Variants in PLXND1 observed in about 807,000 individuals in gnomAD.
PLXND1 encodes the protein plexin-D1.
Under a neutral mutation model 197.7 loss-of-function variants are expected in PLXND1, and 54 were observed. That is an observed-to-expected ratio of 0.27 (90% CI 0.22 to 0.34). The LOEUF is 0.34. Among genes scored for constraint, PLXND1 ranks in the 10% least tolerant of loss-of-function variants. The probability of loss-of-function intolerance (pLI) is 1.00; values close to 1 mark genes in which losing one functional copy is unlikely to be tolerated. For synonymous variants in PLXND1, 1,180 were observed against 1,161.2 expected (o/e 1.02, Z -0.33); for missense variants, 2,127 against 2,699.2 (o/e 0.79, Z 4.70).
At chr3:129,590,600 C>T (rs1441103403) in intron 1 of PLXND1, among the ~76,000 whole-genome samples, 1 of 152,188 alleles carries the variant, frequency 6.6e-6, no homozygotes, top group African/African-American at 2.4e-5. Context: ...AGAAAAGTCA[C>T]AGGATGTCAT....
rs141228263 is a variant in PLXND1, at chr3:129,582,608, C to T, written c.2241+959G>A. On this transcript the variant is annotated intron_variant, in intron 8 of 35. Transcript: ENST00000324093. Reference sequence around the variant, plus strand: ...CATCCCACCTGGCTAGGCCTTATCACCCCAGCCAAGGTCCCAGGCATCCCA... The same window carrying T: ...CATCCCACCTGGCTAGGCCTTATCATCCCAGCCAAGGTCCCAGGCATCCCA... Among the ~76,000 whole-genome samples, 669 of 152,326 alleles carry T rather than the reference C, an allele frequency of 4.4e-3. 4 individuals are homozygous for T. The highest frequency in any genetic ancestry group is 4.4e-3 in the Non-Finnish European group (298 of 68,024).
At chr3:129,570,642 G>C in intron 19 of PLXND1, 144 bp downstream of exon 19, 1 of 781,996 alleles carries the variant, frequency 1.3e-6, no homozygotes, top group Non-Finnish European at 2.1e-6. Flanking sequence ...TGTCAAGTGG[G>C]GATGTAAAGC....
At chr3:129,589,057 C>T (rs1405161115) in intron 2 of PLXND1, among the ~76,000 whole-genome samples, 1 of 152,200 alleles carries the variant, frequency 6.6e-6, no homozygotes. Context: ...AGAGCCCAGA[C>T]ATTTGAACTC....
chr3:129,572,673 C>T lies in PLXND1; in HGVS notation c.3013G>A (p.Asp1005Asn). ...GGTRITIHGN[D>N]LHVGSELQVL... Reference sequence around the variant, plus strand: ...TGGAGCTCGGAGCCTACATGGAGGTCATTCCCATGGATGGTGATCCTGGTG... The same window carrying T: ...TGGAGCTCGGAGCCTACATGGAGGTTATTCCCATGGATGGTGATCCTGGTG... The change falls in exon 15 of 36, where the codon GAC (aspartate) becomes AAC (asparagine). Residue 1005 changes from aspartate (D) to asparagine (N), a missense_variant. Asp to Asn is a conservative substitution (Grantham distance 23, BLOSUM62 1). Transcript: ENST00000324093. 6.2e-7 allele frequency: 1 copy of T among 1,606,454 alleles called. No homozygotes were observed. The highest frequency in any genetic ancestry group is 8.5e-7 in the Non-Finnish European group (1 of 1,175,914).
At chr3:129,578,486 C>G (rs1227588040) in intron 8 of PLXND1, 53 bp from the exon 9 acceptor site, 5 of 1,123,724 alleles carry the variant, frequency 4.4e-6, no homozygotes, top group Non-Finnish European at 6.5e-6. Context: ...AGAGAAGAGG[C>G]AGGAGGACTC....
At chr3:129,591,917 C>T (rs151121718) in intron 1 of PLXND1, among the ~76,000 whole-genome samples, 2 of 152,176 alleles carry the variant, frequency 1.3e-5, no homozygotes, top group Non-Finnish European at 2.9e-5. Flanking sequence ...CCAGGACACT[C>T]AGAATAAATC....
Position 129,565,402 on chromosome 3 carries a change from C to T in PLXND1, c.4459G>A (p.Glu1487Lys). 1 of 1,614,160 alleles carries T rather than the reference C, an allele frequency of 6.2e-7. No homozygotes were observed. Among genetic ancestry groups the T allele is most frequent in the Non-Finnish European group, 8.5e-7 (1 of 1,180,042 alleles). The stretch of plus-strand genomic sequence containing the variant: ...GTGAGCATCTTCTCCACCACAGACT[C>T]TGTGCGCCGCAGCATGAGCTTGGGG... ...KNPKLMLRRT[E>K]SVVEKMLTNW... Residue 1487 changes from glutamate (E) to lysine (K), a missense_variant, in exon 25 of 36, where the codon GAG (glutamate) becomes AAG (lysine). Physicochemically the swap from Glu to Lys is moderately conservative, Grantham distance 56. Coordinates refer to ENST00000324093, the MANE Select transcript of PLXND1 (RefSeq NM_015103.3).
Position 129,590,735 on chromosome 3 carries a change from C to A in PLXND1, c.1312-1208G>T, listed in dbSNP as rs372777460. ...AGTGCACTGACTCCCAGAATCCTGG[C>A]AGCCCTAGGGGTCCTATCTCACAGA... On this transcript the variant is annotated intron_variant, in intron 1 of 35. Transcript: ENST00000324093. 1.3e-3 allele frequency among the ~76,000 whole-genome samples: 195 copies of A among 152,364 alleles called. 2 individuals are homozygous for A. The highest frequency in any genetic ancestry group is 4.4e-3 in the African/African-American group (182 of 41,590).
At chr3:129,590,694 G>T (rs139290168) in intron 1 of PLXND1, among the ~76,000 whole-genome samples, 3 of 152,362 alleles carry the variant, frequency 2.0e-5, no homozygotes, top group Admixed American at 2.0e-4. Context: ...ACTGGGAACT[G>T]ACACTGTACC....
intron 35 of PLXND1, 59 bp from the exon 36 acceptor site, chr3:129,556,487 G>A (rs2108759810): frequency 1.4e-6 from 2 of 1,421,518 alleles, no homozygotes; most frequent in African/African-American, 1.4e-5. Flanking sequence ...CAGTTCGTGG[G>A]AGAGAACACA....
At chr3:129,582,865 C>T (rs2085404761) in intron 8 of PLXND1, among the ~76,000 whole-genome samples, 1 of 152,224 alleles carries the variant, frequency 6.6e-6, no homozygotes, top group African/African-American at 2.4e-5. Context: ...AGTGCTGGGG[C>T]AGGCCTGGCC....
chr3:129,572,602 G>A lies in PLXND1; in HGVS notation c.3077+7C>T. The A allele has an allele frequency of 6.6e-7, 1 of 1,514,454 alleles. No homozygotes were observed. The highest frequency in any genetic ancestry group is 2.3e-5 in the East Asian group (1 of 43,434). 93.8% of individuals were successfully genotyped at this position (1,514,454 alleles called of 1,614,324 possible). On this transcript the variant is annotated splice_region_variant and intron_variant, in intron 15 of 35. Coordinates refer to ENST00000324093, the MANE Select transcript of PLXND1 (RefSeq NM_015103.3). The stretch of plus-strand genomic sequence containing the variant: ...CTGGAAGGGATGGGCCAGGCCCAGA[G>A]GCTTACATCAGCTCCGTGCAGGGGT...
chr3:129,602,022 T>C (rs1053598378), intron 1 of PLXND1, among the ~76,000 whole-genome samples: 2 of 152,152 alleles, frequency 1.3e-5, no homozygotes, highest in African/African-American at 4.8e-5. Flanking sequence ...CCCTCCTCCA[T>C]TGCTCCTTCT....
intron 27 of PLXND1, chr3:129,562,472 T>C (rs2085076186): frequency 1.1e-5 from 3 of 284,474 alleles, no homozygotes; most frequent in Non-Finnish European, 2.0e-5. Flanking sequence ...ATTGCGCCAC[T>C]GCACTCCAGC....
chr3:129,556,788 C>A, intron 34 of PLXND1, 97 bp from the exon 35 acceptor site: 1 of 872,464 alleles, frequency 1.1e-6, no homozygotes, highest in South Asian at 1.5e-5. Context: ...CCCAACTCCC[C>A]ACGGCCCCCA....
intron 1 of PLXND1, among the ~76,000 whole-genome samples, chr3:129,604,082 C>A (rs1462971875): frequency 6.6e-6 from 1 of 152,298 alleles, no homozygotes; most frequent in East Asian, 1.9e-4. Context: ...AGTCCCCTCC[C>A]GCACCCTTGT....
intron 1 of PLXND1, among the ~76,000 whole-genome samples, chr3:129,593,909 T>C (rs993218708): frequency 6.6e-6 from 1 of 152,186 alleles, no homozygotes; most frequent in African/African-American, 2.4e-5. Flanking sequence ...GGCTCCCTCC[T>C]GGGGCCAAAG....
intron 29 of PLXND1, chr3:129,561,111 A>AG: frequency 2.1e-6 from 1 of 470,212 alleles, no homozygotes; most frequent in South Asian, 1.5e-5. Context: ...ACGGGGGAGG[A>AG]GGGGCCCCAG....
intron 1 of PLXND1, among the ~76,000 whole-genome samples, chr3:129,590,618 T>C (rs1434906465): frequency 2.0e-5 from 3 of 152,196 alleles, no homozygotes; most frequent in African/African-American, 7.2e-5. Flanking sequence ...CATGGGCCCA[T>C]TTTGGTAAAA....
Sources: allele counts gnomAD v4.1 joint callset (sites outside exome capture counted in the v4.1 genomes callset), GRCh38; gene constraint gnomAD v4.1.1; transcripts MANE v1.5; gene names NCBI Gene and HGNC (gene_info 2026-07-23, HGNC 2026-07-21).